Variants in TCF4 observed in about 807,000 individuals in gnomAD.
TCF4 encodes SL3-3 enhancer factor 2.
TCF4 carries 3 observed loss-of-function variants against 82.1 expected under a neutral mutation model. That is an observed-to-expected ratio of 0.04 (90% CI 0.02 to 0.09). The LOEUF (loss-of-function observed/expected upper bound fraction) is 0.09. Ranked by LOEUF, TCF4 falls within the 10% of genes least tolerant of loss-of-function variation. The pLI is 1.00. For synonymous variants in TCF4, 276 were observed against 309.6 expected (o/e 0.89, Z 1.14); for missense variants, 518 against 852.7 (o/e 0.61, Z 4.89).
intron 8 of TCF4, among the ~76,000 whole-genome samples, chr18:55,280,820 T>G (rs1017665896): frequency 6.6e-6 from 1 of 151,986 alleles, no homozygotes; most frequent in Non-Finnish European, 1.5e-5. Context: ...CCAGAAAAAT[T>G]ATATAATTGC....
intron 4 of TCF4, 57 bp from the exon 5 acceptor site, chr18:55,461,172 C>A: frequency 7.0e-7 from 1 of 1,421,572 alleles, no homozygotes; most frequent in Non-Finnish European, 9.7e-7. Flanking sequence ...AGCACATAAA[C>A]AAACATAGCT....
At chr18:55,586,445 C>T (rs1430097157) in intron 2 of TCF4, among the ~76,000 whole-genome samples, 1 of 152,118 alleles carries the variant, frequency 6.6e-6, no homozygotes, top group African/African-American at 2.4e-5. Context: ...TGTCAAGTTC[C>T]GCTTTGTGCT....
intron 5 of TCF4, among the ~76,000 whole-genome samples, chr18:55,441,994 C>T (rs1034323953): frequency 2.6e-5 from 4 of 152,188 alleles, no homozygotes; most frequent in African/African-American, 9.7e-5. Context: ...TGCTTTTAAG[C>T]ACATTTCACT....
chr18:55,505,803 CAAAAAAAAAAA>C (rs35471663), intron 3 of TCF4, among the ~76,000 whole-genome samples: 1 of 83,116 alleles, frequency 1.2e-5, no homozygotes, highest in Admixed American at 1.2e-4. Context: ...GACTCCGTCT[CAAAAAAAAAAA>C]AAAAAAAAAG....
chr18:55,376,578 G>C (rs2090808724), intron 6 of TCF4, among the ~76,000 whole-genome samples: 1 of 152,106 alleles, frequency 6.6e-6, no homozygotes, highest in Admixed American at 6.6e-5. Flanking sequence ...GCAAAGAGGA[G>C]GTGCCATTTC....
At chr18:55,467,612 T>C (rs1354826305) in intron 3 of TCF4, among the ~76,000 whole-genome samples, 4 of 152,206 alleles carry the variant, frequency 2.6e-5, no homozygotes, top group Non-Finnish European at 5.9e-5. Flanking sequence ...TCTGGGTTGC[T>C]GGTTTCAGCA....
intron 6 of TCF4, among the ~76,000 whole-genome samples, chr18:55,369,202 A>G (rs755799540): frequency 1.3e-5 from 2 of 152,214 alleles, no homozygotes; most frequent in African/African-American, 4.8e-5. Flanking sequence ...TGACATGTCA[A>G]TAACATAAAT....
intron 3 of TCF4, among the ~76,000 whole-genome samples, chr18:55,542,046 CA>C (rs2097168986): frequency 6.6e-6 from 1 of 151,842 alleles, no homozygotes; most frequent in Admixed American, 6.6e-5. Context: ...TATTTGAACA[CA>C]AGCAAAGAGT....
intron 5 of TCF4, among the ~76,000 whole-genome samples, chr18:55,418,291 T>C (rs1472093488): frequency 6.6e-6 from 1 of 152,154 alleles, no homozygotes. Flanking sequence ...TGAGCCTGTA[T>C]ATACTTTATA....
intron 8 of TCF4, among the ~76,000 whole-genome samples, chr18:55,281,431 T>C (rs1431456722): frequency 3.3e-5 from 5 of 152,036 alleles, no homozygotes; most frequent in Non-Finnish European, 7.4e-5. Context: ...GACTATAATA[T>C]ATCTACACGC....
At chr18:55,458,434 G>A (rs2095808682) in intron 5 of TCF4, among the ~76,000 whole-genome samples, 1 of 152,224 alleles carries the variant, frequency 6.6e-6, no homozygotes, top group Non-Finnish European at 1.5e-5. Flanking sequence ...GACACAAAGT[G>A]CGGTTTAGAA....
intron 3 of TCF4, among the ~76,000 whole-genome samples, chr18:55,528,759 A>G (rs942330963): frequency 6.6e-6 from 1 of 152,218 alleles, no homozygotes; most frequent in Non-Finnish European, 1.5e-5. Context: ...AAATTCCAAA[A>G]AGAATCTGAA....
intron 6 of TCF4, among the ~76,000 whole-genome samples, chr18:55,356,378 G>A (rs535175874): frequency 6.6e-6 from 1 of 152,216 alleles, no homozygotes; most frequent in South Asian, 2.1e-4. Flanking sequence ...GAAATGACTA[G>A]GTTTTTTCCA....
intron 3 of TCF4, among the ~76,000 whole-genome samples, chr18:55,574,460 G>A (rs928637490): frequency 3.3e-5 from 5 of 152,276 alleles, no homozygotes; most frequent in African/African-American, 9.6e-5. Context: ...GAGTAGCTGA[G>A]ATTACAGGCA....
intron 6 of TCF4, among the ~76,000 whole-genome samples, chr18:55,381,718 C>T (rs1355569929): frequency 1.3e-5 from 2 of 151,620 alleles, no homozygotes; most frequent in East Asian, 1.9e-4. Flanking sequence ...TGTAGAGTAT[C>T]GGTTTTATAC....
At chr18:55,583,958 C>A (rs2147824645) in intron 3 of TCF4, among the ~76,000 whole-genome samples, 1 of 152,090 alleles carries the variant, frequency 6.6e-6, no homozygotes, top group East Asian at 1.9e-4. Context: ...ATAACCAGGT[C>A]CAGGATAGTA....
chr18:55,610,548 A>C (rs527315148), intron 2 of TCF4, among the ~76,000 whole-genome samples: 18 of 152,300 alleles, frequency 1.2e-4, no homozygotes, highest in African/African-American at 4.3e-4. Context: ...GCCACTAATC[A>C]AAAGCCACAT....
chr18:55,351,145 C>A, intron 6 of TCF4, 142 bp from the exon 7 acceptor site: 2 of 1,064,148 alleles, frequency 1.9e-6, no homozygotes. Flanking sequence ...AAACAAAAAC[C>A]CAAAAGAAAG....
At chr18:55,401,580 C>T in intron 6 of TCF4, 1 of 987,742 alleles carries the variant, frequency 1.0e-6, no homozygotes, top group Non-Finnish European at 1.2e-6. Flanking sequence ...CACTTCTCAC[C>T]TTGTGTTTGG....
Sources: allele counts gnomAD v4.1 joint callset (sites outside exome capture counted in the v4.1 genomes callset), GRCh38; gene constraint gnomAD v4.1.1; transcripts MANE v1.5; gene names NCBI Gene and HGNC (gene_info 2026-07-23, HGNC 2026-07-21).